The following RIPK1 variants were observed in gnomAD, a reference collection of about 807,000 sequenced individuals.
RIPK1 encodes the protein receptor interacting serine/threonine kinase 1.
Under a neutral mutation model 62.4 loss-of-function variants are expected in RIPK1, and 27 were observed. The observed-to-expected ratio is 0.43, with a 90% confidence interval of 0.32 to 0.60. RIPK1 has a LOEUF of 0.60. Among genes scored for constraint, RIPK1 ranks in the 20% least tolerant of loss-of-function variants. The pLI, the probability that RIPK1 is intolerant of heterozygous loss-of-function variation, is 0.07. For missense variants in RIPK1, 735 were observed against 831.0 expected, an observed-to-expected ratio of 0.88 and a Z score of 1.42; for synonymous variants, 287 against 303.2, an observed-to-expected ratio of 0.95 and a Z score of 0.55.
chr6:3,074,901 T>C (rs1006884733), intron 1 of RIPK1, among the ~76,000 whole-genome samples: 1 of 152,118 alleles, frequency 6.6e-6, no homozygotes, highest in African/African-American at 2.4e-5. Context: ...AGGCTGGTCT[T>C]GAACTCCTGA....
At chr6:3,094,168 T>C (rs5029675) in intron 7 of RIPK1, among the ~76,000 whole-genome samples, 1,694 of 103,910 alleles carry the variant, frequency 0.016, 229 homozygotes, top group African/African-American at 0.12. Context: ...CTAGTAACTG[T>C]AGCGTACCTA....
intron 1 of RIPK1, among the ~76,000 whole-genome samples, chr6:3,071,459 A>G (rs932978461): frequency 2.6e-5 from 4 of 152,184 alleles, no homozygotes; most frequent in East Asian, 1.9e-4. Flanking sequence ...ATTAGTTAAA[A>G]TTATTTGCTA....
Position 3,105,707 on chromosome 6 carries a change from G to A in RIPK1, c.1232G>A (p.Arg411Lys). ...QNVAYNREEE[R>K]RRRVSHDPFA... ...GTGGCTTACAACAGAGAGGAGGAAA[G>A]GAGACGCAGGGTCTCCCATGACCCT... The change falls in exon 9 of 11, where the codon AGG becomes AAG. Residue 411 changes from arginine (R) to lysine (K), a missense_variant. Coordinates refer to ENST00000259808, the MANE Select transcript of RIPK1 (RefSeq NM_001354930.2). This position sits in a 1 kb window ranked among gnomAD's most constrained non-coding sequence, Gnocchi z 4.5. 1.9e-6 allele frequency: 3 copies of A among 1,614,186 alleles called. No homozygotes were observed. Among genetic ancestry groups the A allele is most frequent in the East Asian group, 4.5e-5 (2 of 44,890 alleles).
chr6:3,105,355 T>C lies in RIPK1; in HGVS notation c.1007-127T>C. The C allele has an allele frequency of 1.4e-6, 1 of 720,014 alleles. No individual in the cohort carries two copies. The highest frequency in any genetic ancestry group is 2.5e-5 in the Admixed American group (1 of 39,542). The allele number at this position is 720,014 out of a possible 1,614,324, so 44.6% of individuals were successfully genotyped here. A position where few individuals can be genotyped will look rare whatever the true frequency, so the allele number is the denominator to read the frequency against. ...GGGAAGAGGACCATCTCCTAAATGC[T>C]TTGGACTGGTCTCGTACTTGTTTTC... On this transcript the variant is annotated intron_variant, in intron 8 of 10. Coordinates refer to ENST00000259808, the MANE Select transcript of RIPK1 (RefSeq NM_001354930.2). This position sits in a 1 kb window ranked among gnomAD's most constrained non-coding sequence, Gnocchi z 4.5.
rs1759073424 is a variant in RIPK1 at position 3,076,703 on chromosome 6, T to TATATATATATATA, written c.-60-60_-60-48dup. 50 of 48,424 alleles carry TATATATATATATA rather than the reference T, an allele frequency of 1.0e-3. 2 individuals are homozygous for TATATATATATATA. In the South Asian group the frequency reaches 0.02, roughly 19 times the overall value. The allele number at this position is 48,424 out of a possible 1,614,324, so 3.0% of individuals were successfully genotyped here. On this transcript the variant is annotated intron_variant, in intron 1 of 10. Transcript: ENST00000259808. ...TCCAAAGGAGAAAAAAAAAAACATA[T>TATATATATATATA]ATATATATATATATATATATATAGT...
chr6:3,102,669 C>T (rs899629140), intron 7 of RIPK1, among the ~76,000 whole-genome samples: 4 of 152,146 alleles, frequency 2.6e-5, no homozygotes, highest in Admixed American at 1.3e-4. Flanking sequence ...GGCACCATCT[C>T]GGCTCACTGC....
intron 7 of RIPK1, among the ~76,000 whole-genome samples, chr6:3,092,238 C>A (rs1185265009): frequency 9.8e-5 from 1 of 10,172 alleles, no homozygotes; most frequent in African/African-American, 9.5e-4. Flanking sequence ...TGCCGCACCT[C>A]GGAACCGCAG....
At chr6:3,079,629 G>A (rs1759272807) in intron 3 of RIPK1, among the ~76,000 whole-genome samples, 1 of 152,312 alleles carries the variant, frequency 6.6e-6, no homozygotes, top group South Asian at 2.1e-4. Context: ...GGATATGGCT[G>A]CCTTTATGGC....
At chr6:3,068,696 G>T in intron 1 of RIPK1, 35 bp downstream of exon 1, 1 of 983,414 alleles carries the variant, frequency 1.0e-6, no homozygotes, top group Non-Finnish European at 1.2e-6. Context: ...GAACATTCCG[G>T]AGGCCGCCGG....
intron 1 of RIPK1, among the ~76,000 whole-genome samples, chr6:3,070,029 G>T (rs1049984778): frequency 9.2e-5 from 14 of 152,132 alleles, no homozygotes; most frequent in African/African-American, 1.9e-4. Flanking sequence ...AATAAATAAA[G>T]AAATGGGGAA....
intron 9 of RIPK1, among the ~76,000 whole-genome samples, chr6:3,109,317 C>T (rs1045189547): frequency 1.8e-4 from 28 of 151,986 alleles, no homozygotes; most frequent in Non-Finnish European, 3.4e-4. Flanking sequence ...GGGAGAAGCA[C>T]GTGGGGAGGT....
chr6:3,077,122 T>C (rs1191649021), intron 2 of RIPK1, 135 bp downstream of exon 2: 5 of 736,740 alleles, frequency 6.8e-6, no homozygotes, highest in Non-Finnish European at 1.1e-5. Context: ...AGGGTGACGA[T>C]GGCTCTTCGG....
intron 4 of RIPK1, among the ~76,000 whole-genome samples, chr6:3,081,374 T>G (rs977662363): frequency 3.3e-5 from 5 of 152,180 alleles, no homozygotes; most frequent in African/African-American, 9.7e-5. Context: ...AAGACCTCTT[T>G]CCTAGACTGT....
Position 3,105,824 on chromosome 6 carries a change from A to G in RIPK1, c.1349A>G (p.His450Arg). 1 of 1,614,168 alleles carries G rather than the reference A, an allele frequency of 6.2e-7. No individual in the cohort carries two copies. The highest frequency in any genetic ancestry group is 8.5e-7 in the Non-Finnish European group (1 of 1,179,980). Residue 450 changes from histidine to arginine, a missense_variant, in exon 9 of 11, where the codon CAC (histidine) becomes CGC (arginine). Physicochemically the swap from His to Arg is conservative, Grantham distance 29 (BLOSUM62 0). Transcript: ENST00000259808. The surrounding 1 kb of genome is among the most constrained non-coding windows in gnomAD (Gnocchi z 4.5). ...SSAASHGNAVHQPSGLTSQPQ... is the reference protein window; with the variant it reads ...SSAASHGNAVRQPSGLTSQPQ... ...GCAGCCAGTCATGGTAATGCAGTGC[A>G]CCAGCCCTCAGGGCTCACCAGCCAA...
At chr6:3,065,248 G>A (rs113689173), upstream of RIPK1, among the ~76,000 whole-genome samples, 1 of 112,990 alleles carries the variant, frequency 8.9e-6, no homozygotes, top group South Asian at 3.2e-4. Flanking sequence ...CTGGGCGACA[G>A]AGCCAGACTC....
chr6:3,096,425 A>G (rs1561767180), intron 7 of RIPK1, among the ~76,000 whole-genome samples: 1 of 152,172 alleles, frequency 6.6e-6, no homozygotes, highest in Non-Finnish European at 1.5e-5. Context: ...ATTGAGAGAC[A>G]TAAGACCAAA....
rs963499765 is a variant in RIPK1, at chr6:3,087,413, GTTTT to G, written c.838+2010_838+2013del. ...GTCCCACAGGTCCCTGAGGCTTTGT[GTTTT>G]TTTTGTTTTTTTTGTTTTTGTTTGT... On this transcript the variant is annotated intron_variant, in intron 6 of 10. Transcript: ENST00000259808. Among the ~76,000 whole-genome samples the G allele has an allele frequency of 5.6e-5, 6 of 106,592 alleles. No individual in the cohort carries two copies. The East Asian group carries it at 8.0e-4, about 14-fold the overall frequency. 69.9% of individuals were successfully genotyped at this position (106,592 alleles called of 152,430 possible). A position where few individuals can be genotyped will look rare whatever the true frequency, so the allele number is the denominator to read the frequency against.
rs773356249 is a variant in RIPK1 at position 3,113,377 on chromosome 6, C to T, written c.*38C>T. The T allele has an allele frequency of 1.9e-6, 3 of 1,584,932 alleles. No homozygotes were observed. The highest frequency in any genetic ancestry group is 2.6e-6 in the Non-Finnish European group (3 of 1,163,006). Reference sequence around the variant, plus strand: ...TACGGCAGCTGAAGTGGACGCCTCACTTAGTGGATAACCCCAGAAAGTTGG... The same window carrying T: ...TACGGCAGCTGAAGTGGACGCCTCATTTAGTGGATAACCCCAGAAAGTTGG... On this transcript the variant is annotated 3_prime_UTR_variant, in exon 11 of 11. Coordinates refer to ENST00000259808, the MANE Select transcript of RIPK1 (RefSeq NM_001354930.2). The surrounding 1 kb of genome is among the most constrained non-coding windows in gnomAD (Gnocchi z 5.0).
intron 4 of RIPK1, among the ~76,000 whole-genome samples, chr6:3,082,006 C>T (rs17513298): frequency 0.015 from 2,211 of 150,740 alleles, 44 homozygotes; most frequent in African/African-American, 0.051. Flanking sequence ...CCTTTGAACA[C>T]ATTCTTTCCA....
Sources: allele counts gnomAD v4.1 joint callset (sites outside exome capture counted in the v4.1 genomes callset), GRCh38; gene constraint gnomAD v4.1.1; non-coding constraint Gnocchi (gnomAD v3.1); transcripts MANE v1.5; gene names NCBI Gene and HGNC (gene_info 2026-07-23, HGNC 2026-07-21).